DOCK11: variants seen among roughly 807,000 people sequenced by gnomAD.
DOCK11 encodes dedicator of cytokinesis protein 11.
In DOCK11, 70 loss-of-function variants were observed where a neutral mutation model predicts 169.1. The observed-to-expected ratio is 0.41, with a 90% CI of 0.34 to 0.51. DOCK11 has a LOEUF of 0.51. DOCK11 is among the 20% of genes least tolerant of loss of function. DOCK11 has a pLI of 0.10. For synonymous variants in DOCK11, 529 were observed against 541.3 expected (o/e 0.98, Z 0.32); for missense variants, 1,166 against 1,538.8 (o/e 0.76, Z 4.05).
chrX:118,680,832 C>A, intron 49 of DOCK11, 140 bp downstream of exon 49: 1 of 590,192 alleles, frequency 1.7e-6, no homozygotes, highest in Non-Finnish European at 2.6e-6. Context: ...TTTGCACAAG[C>A]ACGTCCATGT....
intron 34 of DOCK11, among the ~76,000 whole-genome samples, chrX:118,629,816 ATTTTTTT>A (rs67646403): frequency 2.7e-5 from 2 of 75,418 alleles, no homozygotes; most frequent in Admixed American, 1.7e-4. Context: ...ACCCAGCTAA[ATTTTTTT>A]TTTTTTTTTT....
At position 118,637,749 on chromosome X, in the gene DOCK11, C is replaced by T. The variant is rs180775453; in HGVS notation, c.3954-331C>T. ...CTGCCTTCCAGCATGGGTGACAGAG[C>T]GAGGTCCTGTGTCAAAAATAAAAAA... On this transcript the variant is annotated intron_variant, in intron 36 of 52. Coordinates refer to ENST00000276202, the MANE Select transcript of DOCK11 (RefSeq NM_144658.4). Among the ~76,000 whole-genome samples, 5 of 111,301 alleles carry T rather than the reference C, an allele frequency of 4.5e-5. No homozygotes were observed. The East Asian group carries it at 1.4e-3, about 31-fold the overall frequency.
chrX:118,647,475 T>TTA (rs1309971915), intron 40 of DOCK11, among the ~76,000 whole-genome samples: 3 of 78,488 alleles, frequency 3.8e-5, no homozygotes, highest in East Asian at 3.5e-4. Context: ...GCAATTACTT[T>TTA]TATATATATT....
chrX:118,640,505 A>G (rs774656672), intron 38 of DOCK11, among the ~76,000 whole-genome samples: 1 of 112,319 alleles, frequency 8.9e-6, no homozygotes, highest in East Asian at 2.8e-4. Context: ...ATGTCATATA[A>G]TTGGCATAAT....
intron 1 of DOCK11, among the ~76,000 whole-genome samples, chrX:118,512,532 A>G (rs1425649385): frequency 1.8e-5 from 2 of 111,981 alleles, no homozygotes; most frequent in African/African-American, 6.5e-5. Flanking sequence ...GTCAACTTGC[A>G]TGATGCAGGA....
intron 1 of DOCK11, among the ~76,000 whole-genome samples, chrX:118,506,393 C>T (rs1173417914): frequency 5.4e-5 from 6 of 112,061 alleles, no homozygotes; most frequent in Admixed American, 9.4e-5. Context: ...GGGCTGAGCG[C>T]GGTGGCTCAC....
chrX:118,645,611 A>G (rs1369338476), intron 40 of DOCK11, among the ~76,000 whole-genome samples: 2 of 108,784 alleles, frequency 1.8e-5, no homozygotes, highest in Non-Finnish European at 3.8e-5. Context: ...GCAGTGAGCC[A>G]AGATCGCGCC....
Position 118,597,961 on chromosome X carries a change from G to T in DOCK11, c.2386-69G>T, listed in dbSNP as rs1364906921. ...TCATTTCTGAAAAAAATGTTTAAAT[G>T]CATAAAGGTATTATATGTTATTCAT... On this transcript the variant is annotated intron_variant, in intron 21 of 52. Transcript: ENST00000276202. The T allele has an allele frequency of 3.8e-5, 31 of 823,877 alleles. No individual in the cohort carries two copies. The South Asian group carries it at 8.6e-4, about 23-fold the overall frequency. The allele number at this position is 823,877 out of a possible 1,213,427, so 67.9% of individuals were successfully genotyped here. A position where few individuals can be genotyped will look rare whatever the true frequency, so the allele number is the denominator to read the frequency against.
In DOCK11 at chrX:118,566,044, T is replaced by A. The variant is rs1224170392; in HGVS notation, c.733T>A (p.Leu245Ile). 1 of 1,211,195 alleles carries A rather than the reference T, an allele frequency of 8.3e-7. No individual in the cohort carries two copies. The highest frequency in any genetic ancestry group is 1.1e-6 in the Non-Finnish European group (1 of 895,158). ...CCGTCATGCTTTTGAACTCAAGATGTTAGATAAATATAGCCATTATCTGGC... is the reference window on the plus strand; with the variant it reads ...CCGTCATGCTTTTGAACTCAAGATGATAGATAAATATAGCCATTATCTGGC... ...MRRHAFELKMLDKYSHYLAAE... is the reference protein window; with the variant it reads ...MRRHAFELKMIDKYSHYLAAE... The change falls in exon 8 of 53, where the codon TTA becomes ATA. Residue 245 changes from leucine to isoleucine, a missense_variant. By Grantham distance (5) the Leu-to-Ile change is conservative. Coordinates refer to ENST00000276202, the MANE Select transcript of DOCK11 (RefSeq NM_144658.4).
intron 7 of DOCK11, among the ~76,000 whole-genome samples, chrX:118,564,666 GCTTT>G (rs746541335): frequency 5.1e-4 from 55 of 108,535 alleles, no homozygotes; most frequent in East Asian, 2.1e-3. Context: ...TTGCTTGCTA[GCTTT>G]CTTTCTTTCT....
intron 42 of DOCK11, 81 bp from the exon 43 acceptor site, chrX:118,654,521 T>C (rs1327934702): frequency 2.0e-5 from 18 of 912,756 alleles, no homozygotes; most frequent in Middle Eastern, 4.1e-4. Flanking sequence ...GAAAATCATA[T>C]GTCCTCAGCA....
At chrX:118,538,200 C>T (rs902085534) in intron 1 of DOCK11, among the ~76,000 whole-genome samples, 5 of 111,635 alleles carry the variant, frequency 4.5e-5, no homozygotes, top group Non-Finnish European at 7.5e-5. Flanking sequence ...TGAATAAGTT[C>T]GGGAAACTAA....
At chrX:118,670,101 C>A (rs766260448) in intron 45 of DOCK11, among the ~76,000 whole-genome samples, 1 of 111,938 alleles carries the variant, frequency 8.9e-6, no homozygotes, top group Non-Finnish European at 1.9e-5. Context: ...TTAGGAGACA[C>A]AATTCAACCC....
rs59721327 is a variant in DOCK11 at position 118,546,210 on chromosome X, C to CCAA, written c.558+94_558+95insCAA. The stretch of plus-strand genomic sequence containing the variant: ...ATATTTATTTTACAAAGAGCCCTAG[C>CCAA]AAAAAAAAAAAAAAAAAAAAAGGAG... On this transcript the variant is annotated intron_variant, in intron 6 of 52. Transcript: ENST00000276202. 29 of 49,311 alleles carry CCAA rather than the reference C, an allele frequency of 5.9e-4. 3 individuals are homozygous for CCAA. The highest frequency in any genetic ancestry group is 1.3e-3 in the South Asian group (1 of 747). 4.1% of individuals were successfully genotyped at this position (49,311 alleles called of 1,213,427 possible).
In DOCK11 at chrX:118,636,332, T is replaced by A. The variant is rs1331043607; in HGVS notation, c.3887-14T>A. On this transcript the variant is annotated splice_polypyrimidine_tract_variant and intron_variant, in intron 35 of 52. Coordinates refer to ENST00000276202, the MANE Select transcript of DOCK11 (RefSeq NM_144658.4). ...TTATTTCAAGATCTAACACTTTATT[T>A]ATTCCATTTTCAGATACTCTCTTAA... 9.5e-7 allele frequency: 1 copy of A among 1,055,446 alleles called. No individual in the cohort carries two copies. Among genetic ancestry groups the A allele is most frequent in the East Asian group, 3.2e-5 (1 of 31,505 alleles). The allele number at this position is 1,055,446 out of a possible 1,213,427, so 87.0% of individuals were successfully genotyped here.
Position 118,606,357 on chromosome X carries a change from G to A in DOCK11, c.2681+1001G>A, listed in dbSNP as rs775907924. On this transcript the variant is annotated intron_variant, in intron 24 of 52. Transcript: ENST00000276202. ...GCTGGGATTACAGGCGTGAGCCACC[G>A]CTTCCTGCAGGAACTGAATTTTTAA... Among the ~76,000 whole-genome samples, 187 of 112,065 alleles carry A rather than the reference G, an allele frequency of 1.7e-3. 2 individuals carry two copies. The highest frequency in any genetic ancestry group is 2.4e-3 in the Admixed American group (26 of 10,630).
At chrX:118,635,734 C>T (rs1015561658) in intron 35 of DOCK11, among the ~76,000 whole-genome samples, 1 of 110,955 alleles carries the variant, frequency 9.0e-6, no homozygotes, top group Non-Finnish European at 1.9e-5. Context: ...ATTATAGGCG[C>T]TGGCCACCAC....
chrX:118,642,048 A>G (rs1286393874), intron 39 of DOCK11, among the ~76,000 whole-genome samples: 1 of 111,772 alleles, frequency 8.9e-6, no homozygotes, highest in Non-Finnish European at 1.9e-5. Context: ...TTAGATACTA[A>G]TATAAAATAG....
chrX:118,607,302 A>G (rs185738236), intron 24 of DOCK11, among the ~76,000 whole-genome samples: 147 of 103,779 alleles, frequency 1.4e-3, no homozygotes, highest in African/African-American at 5.0e-3. Context: ...TTTTTAGTAG[A>G]GACAGGGTTT....
Sources: allele counts gnomAD v4.1 joint callset (sites outside exome capture counted in the v4.1 genomes callset), GRCh38; gene constraint gnomAD v4.1.1; transcripts MANE v1.5; gene names NCBI Gene and HGNC (gene_info 2026-07-23, HGNC 2026-07-21).